Variants in ANK3 observed in about 807,000 individuals in gnomAD.
ANK3 encodes the protein ankyrin 3.
A neutral mutation model predicts 370.9 loss-of-function variants in ANK3; 57 were observed. The ratio of observed to expected loss-of-function variants is 0.15; its 90% CI spans 0.12 to 0.19. The LOEUF (loss-of-function observed/expected upper bound fraction) is 0.19. Ranked by LOEUF, ANK3 falls within the 10% of genes least tolerant of loss-of-function variation. The pLI is 1.00. For synonymous variants in ANK3, 1,929 were observed against 1,946.3 expected, an observed-to-expected ratio of 0.99 and a Z score of 0.23; for missense variants, 4,439 against 5,302.1, an observed-to-expected ratio of 0.84 and a Z score of 5.06.
chr10:60,134,985 C>G (rs2094267329), intron 24 of ANK3, among the ~76,000 whole-genome samples: 1 of 152,190 alleles, frequency 6.6e-6, no homozygotes, highest in Non-Finnish European at 1.5e-5. Flanking sequence ...CTTTGCTCTA[C>G]TGTTGTCTTT....
intron 2 of ANK3, among the ~76,000 whole-genome samples, chr10:60,424,171 AC>A (rs1403565645): frequency 1.3e-5 from 2 of 151,968 alleles, no homozygotes; most frequent in Non-Finnish European, 2.9e-5. Context: ...GGGTGACCAC[AC>A]ATCCTGGTTT....
At chr10:60,460,231 C>T (rs532844979) in intron 2 of ANK3, among the ~76,000 whole-genome samples, 2 of 152,188 alleles carry the variant, frequency 1.3e-5, no homozygotes, top group African/African-American at 2.4e-5. Context: ...AATCACTTGC[C>T]GTCAGGAGCA....
chr10:60,400,009 A>AGAGT (rs1242156169), intron 2 of ANK3, among the ~76,000 whole-genome samples: 23 of 145,990 alleles, frequency 1.6e-4, no homozygotes, highest in African/African-American at 5.7e-4. Context: ...CCTCCAATAC[A>AGAGT]GTGTGTGTGT....
Position 60,558,164 on chromosome 10 carries a change from G to A in ANK3, c.96+57022C>T, listed in dbSNP as rs1482663398. 3.9e-5 allele frequency among the ~76,000 whole-genome samples: 6 copies of A among 152,244 alleles called. No homozygotes were observed. In the East Asian group the frequency reaches 1.2e-3, roughly 29 times the overall value. ...TGAATTCAATACCTTTTATAGAGTA[G>A]TACTCTCTTAAAACCCATAAGGGTC... On this transcript the variant is annotated intron_variant, in intron 2 of 43. Coordinates refer to the ANK3 transcript ENST00000373827.
In ANK3 at chr10:60,042,657, A is replaced by C; in HGVS notation, c.*19+15T>G. On this transcript the variant is annotated intron_variant, in intron 43 of 43. Coordinates refer to ENST00000280772, the MANE Select transcript of ANK3 (RefSeq NM_020987.5). ...GAATTTAAGTCCTACTGTTGTTGAT[A>C]TGAACACACCTCACCTTGACTGACC... is the stretch of plus-strand genomic sequence containing the variant. 1 of 1,608,894 alleles carries C rather than the reference A, an allele frequency of 6.2e-7. No homozygotes were observed. The highest frequency in any genetic ancestry group is 8.5e-7 in the Non-Finnish European group (1 of 1,176,352).
chr10:60,472,313 A>G (rs1459993259), intron 2 of ANK3, among the ~76,000 whole-genome samples: 3 of 152,172 alleles, frequency 2.0e-5, no homozygotes, highest in Non-Finnish European at 4.4e-5. Flanking sequence ...AAGGTCAGAA[A>G]AAAAATCCCT....
chr10:60,060,355 G>A (rs2080156379), intron 40 of ANK3: 1 of 161,612 alleles, frequency 6.2e-6, no homozygotes, highest in Non-Finnish European at 1.3e-5. Flanking sequence ...GTCATTACAT[G>A]AGATACTTAT....
At chr10:60,281,977 C>G (rs566244553) in intron 1 of ANK3, among the ~76,000 whole-genome samples, 1 of 152,272 alleles carries the variant, frequency 6.6e-6, no homozygotes, top group African/African-American at 2.4e-5. Flanking sequence ...AAACAGAATG[C>G]AGTTTTTAAA....
At chr10:60,417,840 A>C (rs895540460) in intron 2 of ANK3, among the ~76,000 whole-genome samples, 1 of 152,214 alleles carries the variant, frequency 6.6e-6, no homozygotes, top group Non-Finnish European at 1.5e-5. Context: ...CTTAGTAAAC[A>C]GGCATTCATG....
intron 2 of ANK3, among the ~76,000 whole-genome samples, chr10:60,446,109 A>T (rs1231922611): frequency 6.6e-6 from 1 of 152,166 alleles, no homozygotes; most frequent in Non-Finnish European, 1.5e-5. Context: ...TGATGCGTTG[A>T]TGCCGGGGTA....
intron 1 of ANK3, chr10:60,684,745 A>G: frequency 1.3e-6 from 2 of 1,577,596 alleles, no homozygotes; most frequent in Non-Finnish European, 1.7e-6. Context: ...TGGTCAGGAG[A>G]AATTAATGCC....
At position 60,469,073 on chromosome 10, in the gene ANK3, A is replaced by ATATATATATATATATATACCACTTTTAG. The variant is rs1567066457; in HGVS notation, c.96+146112_96+146113insCTAAAAGTGGTATATATATATATATATA. Among the ~76,000 whole-genome samples the ATATATATATATATATATACCACTTTTAG allele has an allele frequency of 2.8e-3, 62 of 22,436 alleles. 12 individuals carry two copies. The highest frequency in any genetic ancestry group is 1.0e-2 in the African/African-American group (62 of 6,228). The allele number at this position is 22,436 out of a possible 152,430, so 14.7% of individuals were successfully genotyped here. ...TATATATACCACTTTTAGTATATAT[A>ATATATATATATATATATACCACTTTTAG]TATATATATATATATATATATACCA... On this transcript the variant is annotated intron_variant, in intron 2 of 43. Transcript: ENST00000373827.
chr10:60,199,150 C>A (rs2096633492), intron 13 of ANK3, among the ~76,000 whole-genome samples: 1 of 152,124 alleles, frequency 6.6e-6, no homozygotes, highest in Non-Finnish European at 1.5e-5. Context: ...AGGTACTCAC[C>A]AAGTCCTGAT....
At chr10:60,669,045 G>T (rs1206712755) in intron 1 of ANK3, among the ~76,000 whole-genome samples, 1 of 152,096 alleles carries the variant, frequency 6.6e-6, no homozygotes, top group Non-Finnish European at 1.5e-5. Context: ...CAGCTGTGGG[G>T]GTCAGCAGTT....
chr10:60,090,725 C>A (rs1293742566), intron 28 of ANK3, among the ~76,000 whole-genome samples: 8 of 152,186 alleles, frequency 5.3e-5, no homozygotes, highest in African/African-American at 1.9e-4. Flanking sequence ...TCCCTCCACA[C>A]CCACTTCTTG....
exon 1 of ANK3, chr10:60,733,447 GC>G: frequency 1.3e-6 from 1 of 788,342 alleles, no homozygotes; most frequent in Non-Finnish European, 1.7e-6. Context: ...ACCAAGCGCG[GC>G]CCCGCGACGC....
At position 60,072,628 on chromosome 10, in the gene ANK3, T is replaced by A; in HGVS notation, c.8253A>T (p.Ile2751=). Residue 2751 remains isoleucine, a synonymous_variant, in exon 37 of 44, where the codon ATA becomes ATT. Coordinates refer to ENST00000280772, the MANE Select transcript of ANK3 (RefSeq NM_020987.5). ...DGQSRIPVKK[I]QESKLPVYQV... is the part of the protein sequence containing the mutation. Reference sequence around the variant, plus strand: ...GGTAGACGGGTAGCTTGCTCTCCTGTATTTTTTTAACTGGGATTCTGGACT... The same window carrying A: ...GGTAGACGGGTAGCTTGCTCTCCTGAATTTTTTTAACTGGGATTCTGGACT... 1.2e-6 allele frequency: 2 copies of A among 1,614,126 alleles called. No individual in the cohort carries two copies. Among genetic ancestry groups the A allele is most frequent in the South Asian group, 2.2e-5 (2 of 91,066 alleles).
At chr10:60,584,624 AAAC>A (rs1017206382) in intron 2 of ANK3, among the ~76,000 whole-genome samples, 9 of 152,210 alleles carry the variant, frequency 5.9e-5, no homozygotes, top group South Asian at 4.1e-4. Flanking sequence ...CTCCTAATGA[AAAC>A]AACAACAACA....
intron 1 of ANK3, among the ~76,000 whole-genome samples, chr10:60,664,843 T>C (rs1167721052): frequency 6.6e-6 from 1 of 152,234 alleles, no homozygotes; most frequent in East Asian, 1.9e-4. Flanking sequence ...AGTGCATAGA[T>C]GCTAAATGTC....
Sources: gnomAD v4.1 joint callset for allele counts (sites outside exome capture counted in the v4.1 genomes callset) on GRCh38, gnomAD v4.1.1 for gene constraint, MANE v1.5 for transcripts, NCBI Gene and HGNC (gene_info 2026-07-23, HGNC 2026-07-21) for gene names.